Variants in MDM4 observed in about 807,000 individuals in gnomAD.
The protein encoded by MDM4 is MDM4 regulator of p53.
In MDM4, 2 loss-of-function variants were observed where a neutral mutation model predicts 60.2. The observed-to-expected ratio is 0.03, with a 90% CI of 0.01 to 0.10. The LOEUF is 0.10. Ranked by LOEUF, MDM4 falls within the 10% of genes least tolerant of loss-of-function variation. The pLI is 1.00. For missense variants in MDM4, 447 were observed against 577.5 expected (o/e 0.77, Z 2.32); for synonymous variants, 202 against 198.1 (o/e 1.02, Z -0.17).
chr1:204,538,122 A>G (rs1488788245), intron 6 of MDM4, 87 bp from the exon 7 acceptor site: 1 of 795,518 alleles, frequency 1.3e-6, no homozygotes, highest in Non-Finnish European at 2.3e-6. Context: ...TGTGTTGCAC[A>G]CTAACTGGTG....
At chr1:204,532,965 C>A in intron 5 of MDM4, 1 of 853,712 alleles carries the variant, frequency 1.2e-6, no homozygotes, top group Non-Finnish European at 1.8e-6. Context: ...ACATCAGAGT[C>A]ATGTAAGGTC....
intron 1 of MDM4, among the ~76,000 whole-genome samples, chr1:204,518,183 G>A (rs1659188640): frequency 6.6e-6 from 1 of 152,154 alleles, no homozygotes; most frequent in Non-Finnish European, 1.5e-5. Context: ...CTCACTGTGT[G>A]CTCAGGCTGC....
intron 1 of MDM4, among the ~76,000 whole-genome samples, chr1:204,525,071 G>GT (rs1659981632): frequency 6.6e-6 from 1 of 152,116 alleles, no homozygotes; most frequent in Non-Finnish European, 1.5e-5. Context: ...TGTTGTAGAG[G>GT]TTTTCCTAGA....
chr1:204,537,558 G>A (rs1661548167), intron 6 of MDM4, 61 bp downstream of exon 6: 1 of 1,227,302 alleles, frequency 8.1e-7, no homozygotes, highest in Non-Finnish European at 1.2e-6. Flanking sequence ...CTGTACCTAT[G>A]GATCTTGGAC....
intron 1 of MDM4, among the ~76,000 whole-genome samples, chr1:204,521,037 T>G (rs941395557): frequency 2.6e-5 from 4 of 152,186 alleles, no homozygotes; most frequent in African/African-American, 9.7e-5. Flanking sequence ...CTTGTCTGAG[T>G]TTGAAATCTT....
intron 1 of MDM4, among the ~76,000 whole-genome samples, chr1:204,520,566 T>A (rs538904814): frequency 6.6e-6 from 1 of 152,210 alleles, no homozygotes; most frequent in South Asian, 2.1e-4. Flanking sequence ...GATCAGAGTC[T>A]TAGTTTGTGG....
Position 204,532,240 on chromosome 1 carries a change from A to G in MDM4, c.337A>G (p.Thr113Ala), listed in dbSNP as rs774960191. The change falls in exon 5 of 11, where the codon ACT (threonine) becomes GCT (alanine). Residue 113 changes from threonine (T) to alanine (A), a missense_variant. Around this residue, in one of 8 missense-constraint regions of MDM4, gnomAD observed 23 missense variants for 22.1 expected, o/e 1.04. Coordinates refer to ENST00000367182, the MANE Select transcript of MDM4 (RefSeq NM_002393.5). ...RKNLVTLATA[T>A]TDAAQTLALA... Reference sequence around the variant, plus strand: ...GAATCTTGTCACTTTAGCCACTGCTACTACAGGTATGTCACATCATATTTC... The same window carrying G: ...GAATCTTGTCACTTTAGCCACTGCTGCTACAGGTATGTCACATCATATTTC... The G allele has an allele frequency of 2.1e-5, 34 of 1,590,398 alleles. No homozygotes were observed. In the Middle Eastern group the frequency reaches 1.8e-3, roughly 85 times the overall value.
chr1:204,539,281 T>A (rs949075196), intron 7 of MDM4, among the ~76,000 whole-genome samples: 1 of 151,144 alleles, frequency 6.6e-6, no homozygotes, highest in Non-Finnish European at 1.5e-5. Context: ...CCACTGCACC[T>A]GGCCCAATTT....
At chr1:204,537,131 AC>A in intron 5 of MDM4, 1 of 374,994 alleles carries the variant, frequency 2.7e-6, no homozygotes, top group Non-Finnish European at 4.9e-6. Context: ...CCTGCTTGGA[AC>A]CAGTTTTCAT....
At position 204,557,413 on chromosome 1, in the gene MDM4, T is replaced by C. The variant is rs931110945; in HGVS notation, c.*7731T>C. ...TGGTCTTGATGTACAAAAAAAAATTTTTTTTTTGAGACAGAGTCTTACTCT... is the reference window on the plus strand; with the variant it reads ...TGGTCTTGATGTACAAAAAAAAATTCTTTTTTTGAGACAGAGTCTTACTCT... On this transcript the variant is annotated 3_prime_UTR_variant, in exon 11 of 11. Coordinates refer to ENST00000367182, the MANE Select transcript of MDM4 (RefSeq NM_002393.5). 1 of 178,860 alleles carries C rather than the reference T, an allele frequency of 5.6e-6. No homozygotes were observed. The highest frequency in any genetic ancestry group is 1.2e-5 in the Non-Finnish European group (1 of 83,418). 11.1% of individuals were successfully genotyped at this position (178,860 alleles called of 1,614,324 possible).
intron 5 of MDM4, among the ~76,000 whole-genome samples, chr1:204,534,991 T>C (rs1054700896): frequency 5.8e-4 from 88 of 152,112 alleles, no homozygotes; most frequent in Non-Finnish European, 1.2e-3. Flanking sequence ...GCAATTGCAT[T>C]GGTGCTTGTG....
Position 204,553,748 on chromosome 1 carries a change from C to G in MDM4, c.*4066C>G, listed in dbSNP as rs1201391851. ...GTTCTTCTGTCTGAATATTAACTCA[C>G]TCTCCTTCCAGTGTACTTCACAGTA... On this transcript the variant is annotated 3_prime_UTR_variant, in exon 11 of 11. Transcript: ENST00000367182. 1 of 225,120 alleles carries G rather than the reference C, an allele frequency of 4.4e-6. No individual in the cohort carries two copies. The highest frequency in any genetic ancestry group is 8.8e-6 in the Non-Finnish European group (1 of 113,030). The allele number at this position is 225,120 out of a possible 1,614,324, so 13.9% of individuals were successfully genotyped here.
chr1:204,527,492 A>G (rs1466301960), intron 3 of MDM4, among the ~76,000 whole-genome samples: 2 of 152,140 alleles, frequency 1.3e-5, no homozygotes, highest in African/African-American at 2.4e-5. Flanking sequence ...CATCTCTACT[A>G]AAAATACAAA....
chr1:204,546,070 C>T (rs1363084311), intron 9 of MDM4, among the ~76,000 whole-genome samples: 3 of 152,150 alleles, frequency 2.0e-5, no homozygotes, highest in African/African-American at 7.2e-5. Context: ...CAGAGTATCA[C>T]ATAACTAGTT....
At position 204,547,668 on chromosome 1, in the gene MDM4, A is replaced by G. The variant is rs187181796; in HGVS notation, c.903+791A>G. ...CTGTGTGTAGCTTAGTAATAAAGTA[A>G]AATATATTGGTCCAGTAAGTGTTCT... On this transcript the variant is annotated intron_variant, in intron 10 of 10. Transcript: ENST00000367182. Among the ~76,000 whole-genome samples the G allele has an allele frequency of 2.0e-5, 3 of 152,330 alleles. No homozygotes were observed. In the East Asian group the frequency reaches 5.8e-4, roughly 29 times the overall value.
At chr1:204,519,914 A>G (rs972189844) in intron 1 of MDM4, among the ~76,000 whole-genome samples, 1 of 152,230 alleles carries the variant, frequency 6.6e-6, no homozygotes, top group African/African-American at 2.4e-5. Context: ...ATGAATTAGA[A>G]TTCTAGAAGG....
chr1:204,552,888 T>A lies in MDM4; in HGVS notation c.*3206T>A, dbSNP rs1663326517. ...TTTTCTTTTCTTTTTTTTTTTTTTT[T>A]ACTTGAGATGGAGTTTTGCTCTTGT... On this transcript the variant is annotated 3_prime_UTR_variant, in exon 11 of 11. Transcript: ENST00000367182. 6.8e-6 allele frequency: 1 copy of A among 147,860 alleles called. No individual in the cohort carries two copies. The highest frequency in any genetic ancestry group is 1.3e-4 in the East Asian group (1 of 7,612). 9.2% of individuals were successfully genotyped at this position (147,860 alleles called of 1,614,324 possible). A position where few individuals can be genotyped will look rare whatever the true frequency, so the allele number is the denominator to read the frequency against.
rs1339249872 is a variant in MDM4, at chr1:204,551,585, A to C, written c.*1903A>C. 6 of 229,192 alleles carry C rather than the reference A, an allele frequency of 2.6e-5. No homozygotes were observed. The highest frequency in any genetic ancestry group is 1.4e-4 in the African/African-American group (6 of 44,314). The allele number at this position is 229,192 out of a possible 1,614,324, so 14.2% of individuals were successfully genotyped here. ...CAGAGCACATATTTTAGGACAACAC[A>C]TATGGAAATTGGACATCTTTAAGTT... On this transcript the variant is annotated 3_prime_UTR_variant, in exon 11 of 11. Transcript: ENST00000367182.
At chr1:204,528,524 G>A (rs1047372289) in intron 3 of MDM4, among the ~76,000 whole-genome samples, 18 of 152,184 alleles carry the variant, frequency 1.2e-4, no homozygotes, top group Admixed American at 8.5e-4. Context: ...CAGCTGACTG[G>A]ACACTAACTC....
Sources: allele counts gnomAD v4.1 joint callset (sites outside exome capture counted in the v4.1 genomes callset), GRCh38; gene constraint gnomAD v4.1.1; regional missense constraint gnomAD v4.1.1; transcripts MANE v1.5; gene names NCBI Gene and HGNC (gene_info 2026-07-23, HGNC 2026-07-21).